The following CRACR2A variants were observed in gnomAD, a reference collection of about 807,000 sequenced individuals.
CRACR2A encodes EF-hand calcium-binding domain-containing protein 4B.
Under a neutral mutation model 90.5 loss-of-function variants are expected in CRACR2A, and 79 were observed. That is an observed-to-expected ratio of 0.87 (90% CI 0.73 to 1.05). The LOEUF (loss-of-function observed/expected upper bound fraction) is 1.05, where lower values mean the gene tolerates loss of function less well. Among genes scored for constraint, CRACR2A ranks in the 50% least tolerant of loss-of-function variants. The probability of loss-of-function intolerance (pLI) is 0.00; values close to 1 mark genes in which losing one functional copy is unlikely to be tolerated. For missense variants in CRACR2A, 823 were observed against 897.2 expected (o/e 0.92, Z 1.06); for synonymous variants, 338 against 356.7 (o/e 0.95, Z 0.59).
At chr12:3,694,965 T>G (rs1466178770) in intron 4 of CRACR2A, among the ~76,000 whole-genome samples, 1 of 152,170 alleles carries the variant, frequency 6.6e-6, no homozygotes, top group Non-Finnish European at 1.5e-5. Context: ...TGAGTCAGTA[T>G]TTCTGGGACT....
intron 7 of CRACR2A, chr12:3,672,844 G>A: frequency 1.5e-5 from 15 of 976,974 alleles, no homozygotes; most frequent in Non-Finnish European, 1.8e-5. Flanking sequence ...GGTCTTGGAG[G>A]CAAATAGGGT....
chr12:3,632,835 T>C (rs1433604793), intron 15 of CRACR2A, among the ~76,000 whole-genome samples: 4 of 152,208 alleles, frequency 2.6e-5, no homozygotes, highest in Non-Finnish European at 5.9e-5. Flanking sequence ...ACTTATCAGC[T>C]CAGTGAAATA....
Position 3,654,288 on chromosome 12 carries a change from AG to A in CRACR2A, c.969del (p.Trp324GlyfsTer31), listed in dbSNP as rs1944856031. The stretch of plus-strand genomic sequence containing the variant: ...TGCTGCTGAGCATCCTGGAGCTCCC[AG>A]GAAGTCCGCTCCAGCTCCCGGGCCA... ...QELARELERT[S>X]WELQDAQQQL... On this transcript the variant is annotated frameshift_variant, in exon 10 of 20. Transcript: ENST00000440314. LOFTEE classifies it high-confidence loss of function. 1 of 1,613,832 alleles carries A rather than the reference AG, an allele frequency of 6.2e-7. No homozygotes were observed.
chr12:3,722,834 C>A (rs986119238), intron 2 of CRACR2A, among the ~76,000 whole-genome samples: 11 of 152,150 alleles, frequency 7.2e-5, no homozygotes, highest in African/African-American at 2.4e-4. Context: ...AAATGTAAAT[C>A]AATTTCCCTA....
chr12:3,723,783 T>C (rs1000596708), intron 2 of CRACR2A, among the ~76,000 whole-genome samples: 2 of 152,182 alleles, frequency 1.3e-5, no homozygotes, highest in African/African-American at 2.4e-5. Flanking sequence ...AGCTGCTCCT[T>C]GGAGCCAACA....
chr12:3,629,856 G>T (rs1013674563), intron 15 of CRACR2A, among the ~76,000 whole-genome samples: 259 of 150,688 alleles, frequency 1.7e-3, no homozygotes, highest in Admixed American at 2.1e-3. Context: ...CAAGGGGGGG[G>T]GGGGATGAAG....
At chr12:3,654,126 C>G in intron 10 of CRACR2A, 86 bp downstream of exon 10, 1 of 1,493,684 alleles carries the variant, frequency 6.7e-7, no homozygotes, top group African/African-American at 1.4e-5. Flanking sequence ...GGCAAGGAGA[C>G]AGGGTCTCTG....
At chr12:3,621,648 CAAAAAAAAAAAAAA>C (rs557648607) in intron 17 of CRACR2A, among the ~76,000 whole-genome samples, 16 of 14,580 alleles carry the variant, frequency 1.1e-3, no homozygotes, top group East Asian at 6.0e-3. Flanking sequence ...GAGACTCTGT[CAAAAAAAAAAAAAA>C]AAAAAAAAAA....
intron 2 of CRACR2A, among the ~76,000 whole-genome samples, chr12:3,723,184 A>C (rs569864939): frequency 1.1e-4 from 16 of 152,316 alleles, no homozygotes; most frequent in Admixed American, 2.6e-4. Context: ...AGCCTTGACT[A>C]GAGTGCTGAG....
intron 17 of CRACR2A, among the ~76,000 whole-genome samples, chr12:3,621,648 CAAAAAAAAAAAAAAAAAAAAA>C (rs557648607): frequency 6.9e-5 from 1 of 14,582 alleles, no homozygotes; most frequent in African/African-American, 2.7e-4. Flanking sequence ...GAGACTCTGT[CAAAAAAAAAAAAAAAAAAAAA>C]AAAAAAAAAA....
At chr12:3,619,984 C>A (rs146764128) in intron 17 of CRACR2A, among the ~76,000 whole-genome samples, 1 of 152,360 alleles carries the variant, frequency 6.6e-6, no homozygotes. Context: ...TGTCACTGGG[C>A]GCTTTGGCTC....
chr12:3,694,487 C>T lies in CRACR2A; in HGVS notation c.228+2285G>A, dbSNP rs368467945. Among the ~76,000 whole-genome samples, 133 of 152,254 alleles carry T rather than the reference C, an allele frequency of 8.7e-4. 1 individual carries two copies. The highest frequency in any genetic ancestry group is 3.1e-3 in the African/African-American group (130 of 41,554). ...TGCTGGGAGCCTAAAGTAAAAAAGG[C>T]GGTGGTGGCCAGGCCCAGGAAGCTG... On this transcript the variant is annotated intron_variant, in intron 4 of 19. Coordinates refer to ENST00000440314, the MANE Select transcript of CRACR2A (RefSeq NM_001144958.2).
intron 8 of CRACR2A, among the ~76,000 whole-genome samples, chr12:3,657,649 C>T (rs1239148027): frequency 6.6e-6 from 1 of 152,214 alleles, no homozygotes; most frequent in Non-Finnish European, 1.5e-5. Flanking sequence ...CCAGACAGCA[C>T]CTGCTCCCAA....
At chr12:3,681,296 A>C (rs1443197923) in intron 4 of CRACR2A, among the ~76,000 whole-genome samples, 1 of 152,230 alleles carries the variant, frequency 6.6e-6, no homozygotes, top group Non-Finnish European at 1.5e-5. Context: ...CATTGGCTTA[A>C]GGTATCAAGG....
chr12:3,638,355 C>T lies in CRACR2A; in HGVS notation c.1371G>A (p.Glu457=), dbSNP rs1450742256. 22 of 1,551,626 alleles carry T rather than the reference C, an allele frequency of 1.4e-5. No homozygotes were observed. Among genetic ancestry groups the T allele is most frequent in the Non-Finnish European group, 1.7e-5 (20 of 1,146,954 alleles). The change falls in exon 14 of 20, where the codon GAG becomes GAA. Residue 457 remains glutamate (E), a synonymous_variant. Coordinates refer to ENST00000440314, the MANE Select transcript of CRACR2A (RefSeq NM_001144958.2). ...PLTEEEPGTG[E]PGPGGPYPRP... ...GGGGGTACGGACCCCCAGGCCCTGG[C>T]TCCCCGGTTCCTGGCTCCTCTTCTG...
rs530582024 is a variant in CRACR2A at position 3,751,598 on chromosome 12, C to T, written c.-387+1417G>A. Reference sequence around the variant, plus strand: ...GCTCCTCAGGTACAACCCACCTTCACGGCTTTGCTCAGCCGTCCTTCCCCA... The same window carrying T: ...GCTCCTCAGGTACAACCCACCTTCATGGCTTTGCTCAGCCGTCCTTCCCCA... On this transcript the variant is annotated intron_variant, in intron 1 of 19. Coordinates refer to ENST00000440314, the MANE Select transcript of CRACR2A (RefSeq NM_001144958.2). 2.0e-5 allele frequency among the ~76,000 whole-genome samples: 3 copies of T among 152,352 alleles called. No individual in the cohort carries two copies. In the East Asian group the frequency reaches 5.8e-4, roughly 29 times the overall value.
intron 6 of CRACR2A, among the ~76,000 whole-genome samples, chr12:3,673,998 G>A (rs78741815): frequency 0.15 from 22,427 of 152,084 alleles, 1,822 homozygotes; most frequent in South Asian, 0.26. Flanking sequence ...CGTGGGGCTG[G>A]GCGTGCACAG....
In CRACR2A at chr12:3,638,175, G is replaced by A. The variant is rs1944492654; in HGVS notation, c.1551C>T (p.Leu517=). The change falls in exon 14 of 20, where the codon CTC becomes CTT. Residue 517 remains leucine, a synonymous_variant. Coordinates refer to ENST00000440314, the MANE Select transcript of CRACR2A (RefSeq NM_001144958.2). ...GCTGCCCTCGGGGGGATGTGGGGGT[G>A]AGTTTCAAGGGTGGGGCCTCCGGGA... ...GQIPEAPPLK[L]TPTSPRGQPV... is the part of the protein sequence containing the mutation. 1 of 1,550,360 alleles carries A rather than the reference G, an allele frequency of 6.5e-7. No individual in the cohort carries two copies. The highest frequency in any genetic ancestry group is 8.7e-7 in the Non-Finnish European group (1 of 1,146,026).
intron 3 of CRACR2A, among the ~76,000 whole-genome samples, chr12:3,704,883 G>C (rs1340634167): frequency 6.6e-6 from 1 of 152,220 alleles, no homozygotes; most frequent in East Asian, 1.9e-4. Flanking sequence ...TCTTAACCCT[G>C]TGTCCCCTGG....
Sources: gnomAD v4.1 joint callset for allele counts (sites outside exome capture counted in the v4.1 genomes callset) on GRCh38, gnomAD v4.1.1 for gene constraint, MANE v1.5 for transcripts, NCBI Gene and HGNC (gene_info 2026-07-23, HGNC 2026-07-21) for gene names.